Variants in SBF2 observed in about 807,000 individuals in gnomAD.
SBF2 encodes the protein SET binding factor 2.
SBF2 carries 112 observed loss-of-function variants against 225.2 expected under a neutral mutation model. The observed-to-expected ratio is 0.50, with a 90% CI of 0.43 to 0.58. SBF2 has a LOEUF of 0.58. SBF2 is among the 20% of genes least tolerant of loss of function. SBF2 has a pLI of 0.00. For synonymous variants in SBF2, 763 were observed against 773.3 expected, an observed-to-expected ratio of 0.99 and a Z score of 0.22; for missense variants, 1,996 against 2,206.2, an observed-to-expected ratio of 0.90 and a Z score of 1.91.
chr11:9,865,130 G>A (rs1261665233), intron 17 of SBF2, among the ~76,000 whole-genome samples: 1 of 152,034 alleles, frequency 6.6e-6, no homozygotes, highest in Non-Finnish European at 1.5e-5. Flanking sequence ...TGCCTAGGCT[G>A]GACAACTTTA....
chr11:10,232,860 C>T (rs1327533924), intron 1 of SBF2, among the ~76,000 whole-genome samples: 2 of 152,314 alleles, frequency 1.3e-5, no homozygotes, highest in East Asian at 3.9e-4. Context: ...ACTTCTATAA[C>T]AGCAAGGAGT....
chr11:9,989,055 T>TATATATATATATATATATATATAC lies in SBF2; in HGVS notation c.1395+441_1395+442insGTATATATATATATATATATATAT, dbSNP rs963608316. ...ACTGTGCCAAATATATATATATATA[T>TATATATATATATATATATATATAC]ACATATGCATACATACACATACACA... On this transcript the variant is annotated intron_variant, in intron 13 of 39. Coordinates refer to ENST00000256190, the MANE Select transcript of SBF2 (RefSeq NM_030962.4). Among the ~76,000 whole-genome samples, 118 of 142,704 alleles carry TATATATATATATATATATATATAC rather than the reference T, an allele frequency of 8.3e-4. 1 individual carries two copies. The Middle Eastern group carries it at 0.012, about 15-fold the overall frequency. The allele number at this position is 142,704 out of a possible 152,430, so 93.6% of individuals were successfully genotyped here. A position where few individuals can be genotyped will look rare whatever the true frequency, so the allele number is the denominator to read the frequency against.
At chr11:10,154,916 T>C (rs1384705354) in intron 2 of SBF2, among the ~76,000 whole-genome samples, 1 of 152,164 alleles carries the variant, frequency 6.6e-6, no homozygotes, top group Admixed American at 6.5e-5. Flanking sequence ...TAGTCTATTT[T>C]GACAAACTAA....
At chr11:10,189,307 C>T (rs538586629) in intron 2 of SBF2, among the ~76,000 whole-genome samples, 1 of 152,208 alleles carries the variant, frequency 6.6e-6, no homozygotes, top group South Asian at 2.1e-4. Context: ...CTGATTCTGT[C>T]ATCTCATTCT....
intron 2 of SBF2, among the ~76,000 whole-genome samples, chr11:10,142,904 G>C (rs1002150624): frequency 2.6e-5 from 4 of 152,148 alleles, no homozygotes; most frequent in African/African-American, 9.7e-5. Context: ...AAAGAGAATG[G>C]TCTAAAGAAA....
At position 9,989,506 on chromosome 11, in the gene SBF2, T is replaced by C. The variant is rs774591496; in HGVS notation, c.1386A>G (p.Leu462=). ...IKHVRELAEQ[L]FKNENPNPHM... ...AAATATACTTACTTACATTTTTGAA[T>C]AGTTGCTCAGCAAGTTCCCTGACAT... Residue 462 remains leucine, a synonymous_variant, in exon 13 of 40, where the codon CTA becomes CTG. Transcript: ENST00000256190. 5.7e-6 allele frequency: 9 copies of C among 1,576,754 alleles called. No homozygotes were observed. Among genetic ancestry groups the C allele is most frequent in the Non-Finnish European group, 7.8e-6 (9 of 1,148,010 alleles).
chr11:9,985,119 G>A (rs543344602), intron 13 of SBF2, among the ~76,000 whole-genome samples: 1 of 152,308 alleles, frequency 6.6e-6, no homozygotes. Context: ...AACATTGAAT[G>A]TAAATGACCT....
chr11:10,094,933 C>A (rs1368217247), intron 2 of SBF2, among the ~76,000 whole-genome samples: 3 of 151,496 alleles, frequency 2.0e-5, no homozygotes, highest in African/African-American at 7.3e-5. Context: ...GAATCCCACA[C>A]AATCACATTT....
intron 1 of SBF2, among the ~76,000 whole-genome samples, chr11:10,211,569 A>G (rs751010349): frequency 2.0e-5 from 3 of 152,170 alleles, no homozygotes; most frequent in African/African-American, 4.8e-5. Context: ...TAGTGTCTTT[A>G]CAAAGGATCT....
chr11:9,801,909 CA>C (rs1266658137), intron 32 of SBF2, among the ~76,000 whole-genome samples: 2 of 152,206 alleles, frequency 1.3e-5, no homozygotes, highest in African/African-American at 4.8e-5. Context: ...CTCATATCTT[CA>C]AAAGGCAAAT....
rs1282714502 is a variant in SBF2 at position 10,166,990 on chromosome 11, A to ACACACACACACACACACACAC, written c.141+26911_141+26912insGTGTGTGTGTGTGTGTGTGTG. On this transcript the variant is annotated intron_variant, in intron 2 of 39. Transcript: ENST00000256190. ...ACACACACACACACACACACACACA[A>ACACACACACACACACACACAC]AAAGGCTACTAATTGAAAAGTTCAG... Among the ~76,000 whole-genome samples, 754 of 146,038 alleles carry ACACACACACACACACACACAC rather than the reference A, an allele frequency of 5.2e-3. 3 individuals are homozygous for ACACACACACACACACACACAC. The highest frequency in any genetic ancestry group is 0.026 in the East Asian group (132 of 4,992).
intron 2 of SBF2, among the ~76,000 whole-genome samples, chr11:10,146,313 T>C (rs1954881474): frequency 6.6e-6 from 1 of 152,124 alleles, no homozygotes; most frequent in African/African-American, 2.4e-5. Flanking sequence ...GTTACCCGAT[T>C]TCAAACTATA....
At chr11:9,909,400 G>A (rs938404439) in intron 16 of SBF2, among the ~76,000 whole-genome samples, 3 of 151,848 alleles carry the variant, frequency 2.0e-5, no homozygotes, top group Non-Finnish European at 4.4e-5. Flanking sequence ...GGCTGGGCGC[G>A]GTGGCTTACG....
At chr11:9,883,421 AAAAC>A (rs1448351149) in intron 17 of SBF2, among the ~76,000 whole-genome samples, 9 of 152,144 alleles carry the variant, frequency 5.9e-5, no homozygotes, top group African/African-American at 1.9e-4. Context: ...TCTGTCCCCC[AAAAC>A]AACCATTTTA....
At chr11:9,782,380 C>T (rs530216046) in intron 38 of SBF2, among the ~76,000 whole-genome samples, 1 of 151,950 alleles carries the variant, frequency 6.6e-6, no homozygotes, top group Non-Finnish European at 1.5e-5. Flanking sequence ...AGATGATCAA[C>T]CTCATTAATC....
At chr11:10,104,289 T>A (rs1952457061) in intron 2 of SBF2, among the ~76,000 whole-genome samples, 1 of 152,034 alleles carries the variant, frequency 6.6e-6, no homozygotes, top group African/African-American at 2.4e-5. Flanking sequence ...TGAGAAGAAT[T>A]TGAAAACAAA....
intron 1 of SBF2, among the ~76,000 whole-genome samples, chr11:10,224,790 G>T (rs559339630): frequency 1.7e-4 from 26 of 152,076 alleles, no homozygotes; most frequent in African/African-American, 6.3e-4. Context: ...TCCCTTTATA[G>T]TACTTGTCAC....
At chr11:10,288,732 G>C (rs1299402553) in intron 1 of SBF2, among the ~76,000 whole-genome samples, 1 of 152,170 alleles carries the variant, frequency 6.6e-6, no homozygotes, top group Non-Finnish European at 1.5e-5. Flanking sequence ...TCAGCAGAGA[G>C]GGTAACTCCT....
intron 2 of SBF2, among the ~76,000 whole-genome samples, chr11:10,075,551 T>C (rs150779881): frequency 6.6e-6 from 1 of 152,218 alleles, no homozygotes; most frequent in Non-Finnish European, 1.5e-5. Context: ...GCTGTTCTTA[T>C]GATAGTGAAT....
Sources: allele counts gnomAD v4.1 joint callset (sites outside exome capture counted in the v4.1 genomes callset), GRCh38; gene constraint gnomAD v4.1.1; transcripts MANE v1.5; gene names NCBI Gene and HGNC (gene_info 2026-07-23, HGNC 2026-07-21).